Variants in ATP8A2 observed in about 807,000 individuals in gnomAD.
ATP8A2 encodes phospholipid-transporting ATPase IB.
In ATP8A2, 100 loss-of-function variants were observed where a neutral mutation model predicts 165.6. The observed-to-expected ratio is 0.60, with a 90% CI of 0.51 to 0.71. The LOEUF is 0.71. Among genes scored for constraint, ATP8A2 ranks in the 30% least tolerant of loss-of-function variants. The pLI is 0.00. For missense variants in ATP8A2, 1,227 were observed against 1,479.5 expected (o/e 0.83, Z 2.80); for synonymous variants, 543 against 548.8 (o/e 0.99, Z 0.15).
chr13:25,489,819 A>G (rs1288354689), intron 2 of ATP8A2, among the ~76,000 whole-genome samples: 1 of 152,180 alleles, frequency 6.6e-6, no homozygotes, highest in African/African-American at 2.4e-5. Context: ...TTGTACTTTC[A>G]TATATAAACT....
chr13:25,858,169 T>C (rs1339327784), intron 30 of ATP8A2, among the ~76,000 whole-genome samples: 2 of 152,362 alleles, frequency 1.3e-5, no homozygotes, highest in East Asian at 3.9e-4. Context: ...GTTGCACCTG[T>C]TAGTAAAACA....
At chr13:25,631,224 T>C (rs2041232878) in intron 24 of ATP8A2, among the ~76,000 whole-genome samples, 1 of 152,212 alleles carries the variant, frequency 6.6e-6, no homozygotes, top group African/African-American at 2.4e-5. Context: ...CTTTCTGCAG[T>C]GATGGTGAGG....
In ATP8A2 at chr13:25,579,805, C is replaced by T. The variant is rs570662060; in HGVS notation, c.1868-3C>T. On this transcript the variant is annotated splice_region_variant and splice_polypyrimidine_tract_variant and intron_variant, in intron 21 of 36. Transcript: ENST00000381655. ...CCTCCATTCACCAGTGGCTGTCTTG[C>T]AGGCTTGCGGACTCTCTGTGTGGCT... The T allele has an allele frequency of 1.1e-5, 18 of 1,601,856 alleles. No individual in the cohort carries two copies. In the Admixed American group the frequency reaches 2.9e-4, roughly 25 times the overall value.
intron 1 of ATP8A2, among the ~76,000 whole-genome samples, chr13:25,382,977 C>G (rs6491045): frequency 0.032 from 4,811 of 151,704 alleles, 167 homozygotes; most frequent in African/African-American, 0.082. Context: ...GGATGGTCTC[C>G]ATCTCCTGAC....
intron 2 of ATP8A2, among the ~76,000 whole-genome samples, chr13:25,523,833 T>C (rs2037747518): frequency 1.3e-5 from 2 of 152,126 alleles, no homozygotes. Context: ...CATTGATCTT[T>C]TGTACTTTTT....
At chr13:25,972,089 A>C (rs1955928661) in intron 35 of ATP8A2, among the ~76,000 whole-genome samples, 1 of 152,226 alleles carries the variant, frequency 6.6e-6, no homozygotes, top group African/African-American at 2.4e-5. Context: ...TAGAACAAAA[A>C]AAATCTGTAT....
At position 25,386,952 on chromosome 13, in the gene ATP8A2, G is replaced by C. The variant is rs533854950; in HGVS notation, c.76+14664G>C. Among the ~76,000 whole-genome samples, 122 of 126,034 alleles carry C rather than the reference G, an allele frequency of 9.7e-4. 3 individuals are homozygous for C. In the East Asian group the frequency reaches 0.021, roughly 22 times the overall value. The allele number at this position is 126,034 out of a possible 152,430, so 82.7% of individuals were successfully genotyped here. ...GCGGAGCTTGCAGTGAGCCGAGATC[G>C]CGCCCTTGCACTCCAGCCTGGGCGT... On this transcript the variant is annotated intron_variant, in intron 1 of 36. Transcript: ENST00000381655.
chr13:25,403,476 A>G (rs960605098), intron 1 of ATP8A2, among the ~76,000 whole-genome samples: 1 of 152,214 alleles, frequency 6.6e-6, no homozygotes, highest in Non-Finnish European at 1.5e-5. Flanking sequence ...GTGCTAGAGA[A>G]AAGTACAGAA....
chr13:25,687,394 G>C (rs2042624833), intron 24 of ATP8A2, among the ~76,000 whole-genome samples: 1 of 152,124 alleles, frequency 6.6e-6, no homozygotes, highest in Admixed American at 6.5e-5. Flanking sequence ...ACACTAATGG[G>C]GGCATAGTGG....
intron 1 of ATP8A2, among the ~76,000 whole-genome samples, chr13:25,403,592 A>G (rs943519091): frequency 6.6e-6 from 1 of 152,206 alleles, no homozygotes; most frequent in African/African-American, 2.4e-5. Flanking sequence ...CTGCATCCAG[A>G]CTTTTCATTC....
chr13:25,572,195 T>C (rs2039486346), intron 18 of ATP8A2, among the ~76,000 whole-genome samples: 1 of 152,104 alleles, frequency 6.6e-6, no homozygotes, highest in Non-Finnish European at 1.5e-5. Context: ...AGTGCAGTGG[T>C]GCAATCTCGG....
At chr13:26,003,171 G>T (rs1181747765) in intron 35 of ATP8A2, among the ~76,000 whole-genome samples, 2 of 149,876 alleles carry the variant, frequency 1.3e-5, no homozygotes, top group Admixed American at 6.6e-5. Context: ...CTTTTTCTCT[G>T]CATTCTCACC....
chr13:25,737,875 G>T (rs917607195), intron 25 of ATP8A2, among the ~76,000 whole-genome samples: 5 of 152,068 alleles, frequency 3.3e-5, no homozygotes, highest in Non-Finnish European at 5.9e-5. Context: ...TAGCAGAGAC[G>T]GGGTTTCACC....
At chr13:25,929,850 G>A (rs965851501) in intron 33 of ATP8A2, among the ~76,000 whole-genome samples, 2 of 152,114 alleles carry the variant, frequency 1.3e-5, no homozygotes, top group African/African-American at 4.8e-5. Context: ...TCCAAACCTT[G>A]CCTAATCCTG....
At chr13:25,382,708 A>G (rs2032881501) in intron 1 of ATP8A2, among the ~76,000 whole-genome samples, 1 of 150,514 alleles carries the variant, frequency 6.6e-6, no homozygotes, top group African/African-American at 2.4e-5. Context: ...TCCATATGTA[A>G]TTGCCATCTG....
chr13:26,012,638 G>A lies in ATP8A2; in HGVS notation c.3469+16G>A, dbSNP rs1450182045. On this transcript the variant is annotated intron_variant, in intron 36 of 36. Transcript: ENST00000381655. ...GGCGTCCCGCGTGAGTACCGCGGGC[G>A]GGGGCTGATGGAGGAGTGGGTGTCG... 2.8e-6 allele frequency: 4 copies of A among 1,453,396 alleles called. No individual in the cohort carries two copies. The highest frequency in any genetic ancestry group is 3.7e-4 in the Middle Eastern group (2 of 5,408). 90.0% of individuals were successfully genotyped at this position (1,453,396 alleles called of 1,614,324 possible). A position where few individuals can be genotyped will look rare whatever the true frequency, so the allele number is the denominator to read the frequency against.
chr13:25,537,931 ATGTGTGTTT>A, intron 6 of ATP8A2, 48 bp from the exon 7 acceptor site: 2 of 1,215,840 alleles, frequency 1.6e-6, no homozygotes, highest in Non-Finnish European at 2.4e-6. Context: ...CTTTTTCACC[ATGTGTGTTT>A]TGTTTCTTTT....
At chr13:25,696,423 G>A (rs2042835673) in intron 24 of ATP8A2, among the ~76,000 whole-genome samples, 1 of 152,152 alleles carries the variant, frequency 6.6e-6, no homozygotes, top group Non-Finnish European at 1.5e-5. Flanking sequence ...ATCCTAGATG[G>A]CATCTTCTTT....
chr13:25,905,826 C>T (rs1383369010), intron 33 of ATP8A2, among the ~76,000 whole-genome samples: 1 of 152,212 alleles, frequency 6.6e-6, no homozygotes, highest in Non-Finnish European at 1.5e-5. Context: ...CCATCTCAGC[C>T]CTTCCTCGCC....
Sources: allele counts gnomAD v4.1 joint callset (sites outside exome capture counted in the v4.1 genomes callset), GRCh38; gene constraint gnomAD v4.1.1; transcripts MANE v1.5; gene names NCBI Gene and HGNC (gene_info 2026-07-23, HGNC 2026-07-21).